ZSCAN25: variants seen among roughly 807,000 people sequenced by gnomAD.
ZSCAN25 encodes the protein zinc finger and SCAN domain containing 25, also known as zinc finger and SCAN domain-containing protein 25.
A neutral mutation model predicts 38.7 loss-of-function variants in ZSCAN25; 27 were observed. The ratio of observed to expected loss-of-function variants is 0.70; its 90% CI spans 0.51 to 0.96. ZSCAN25 has a LOEUF of 0.96. Ranked by LOEUF, ZSCAN25 falls within the 40% of genes least tolerant of loss-of-function variation. The probability of loss-of-function intolerance (pLI) is 0.00; values close to 1 mark genes in which losing one functional copy is unlikely to be tolerated. For missense variants in ZSCAN25, 637 were observed against 705.9 expected (o/e 0.90, Z 1.11); for synonymous variants, 273 against 277.7 (o/e 0.98, Z 0.17).
chr7:99,733,035 C>T, the ZSCAN25 span, among the ~76,000 whole-genome samples: 1 of 152,136 alleles, frequency 6.6e-6, no homozygotes, highest in Admixed American at 6.5e-5. Context: ...CATGGAGGCT[C>T]GTGTTTGGAG....
the ZSCAN25 span, chr7:99,720,202 A>T: frequency 7.2e-7 from 1 of 1,381,026 alleles, no homozygotes. Flanking sequence ...TGAAGTGTAC[A>T]TGGAACCTTC....
At chr7:99,711,031 G>A in the ZSCAN25 span, 2 of 1,406,754 alleles carry the variant, frequency 1.4e-6, no homozygotes, top group African/African-American at 1.4e-5. Flanking sequence ...ACTGGGGGTG[G>A]TTTCACTCTG....
chr7:99,710,448 T>C, the ZSCAN25 span, among the ~76,000 whole-genome samples: 2 of 152,300 alleles, frequency 1.3e-5, no homozygotes, highest in South Asian at 2.1e-4. Context: ...AATATGCATA[T>C]TGTTAAATGC....
the ZSCAN25 span, among the ~76,000 whole-genome samples, chr7:99,675,804 C>T: frequency 6.8e-6 from 1 of 148,056 alleles, no homozygotes; most frequent in East Asian, 2.0e-4. Flanking sequence ...TACAATCCTC[C>T]CACCTTAACA....
the ZSCAN25 span, chr7:99,731,218 CACTG>C: frequency 1.3e-6 from 2 of 1,584,948 alleles, no homozygotes; most frequent in South Asian, 1.1e-5. Flanking sequence ...GCTGGTGAGT[CACTG>C]ACTGAGGAAC....
chr7:99,628,276 T>C, intron 7 of ZSCAN25, among the ~76,000 whole-genome samples: 1 of 152,250 alleles, frequency 6.6e-6, no homozygotes, highest in Non-Finnish European at 1.5e-5. Flanking sequence ...AGGCATATAC[T>C]GTCAGGTTTT....
At chr7:99,724,712 A>G in the ZSCAN25 span, among the ~76,000 whole-genome samples, 8 of 152,072 alleles carry the variant, frequency 5.3e-5, no homozygotes, top group Non-Finnish European at 7.4e-5. Flanking sequence ...CACCTGCCCA[A>G]CAATTTTCTC....
rs2151306404 is a variant in ZSCAN25 at position 99,632,194 on chromosome 7, G to A, written c.*2174G>A. ...TATCTCCTGTGGGGCCAAGAGCTTA[G>A]GACAGTGTCTCAGAAAAGCCTCTAA... is the stretch of plus-strand genomic sequence containing the variant. On this transcript the variant is annotated 3_prime_UTR_variant, in exon 8 of 8. Transcript: ENST00000394152. The A allele has an allele frequency of 1.0e-6, 1 of 985,386 alleles. No individual in the cohort carries two copies. The highest frequency in any genetic ancestry group is 1.1e-4 in the East Asian group (1 of 8,816). 61.0% of individuals were successfully genotyped at this position (985,386 alleles called of 1,614,324 possible).
the ZSCAN25 span, among the ~76,000 whole-genome samples, chr7:99,696,904 C>T: frequency 1.3e-5 from 2 of 152,240 alleles, no homozygotes; most frequent in Non-Finnish European, 2.9e-5. Flanking sequence ...GTGTGTGGCA[C>T]CTCCTCCCCA....
the ZSCAN25 span, chr7:99,676,349 T>G: frequency 1.6e-5 from 25 of 1,544,576 alleles, no homozygotes; most frequent in Non-Finnish European, 2.0e-5. Context: ...CCAACATCAG[T>G]AATTGCATTC....
At chr7:99,674,657 A>G in the ZSCAN25 span, 7 of 1,315,030 alleles carry the variant, frequency 5.3e-6, no homozygotes, top group Non-Finnish European at 7.6e-6. Context: ...ATTGGGGCTG[A>G]AAACAGTTGC....
chr7:99,729,230 A>T, the ZSCAN25 span, among the ~76,000 whole-genome samples: 2 of 152,228 alleles, frequency 1.3e-5, no homozygotes, highest in African/African-American at 4.8e-5. Context: ...ATAAAAACAC[A>T]TTCAGACTAT....
the ZSCAN25 span, among the ~76,000 whole-genome samples, chr7:99,651,175 G>T: frequency 6.6e-6 from 1 of 152,170 alleles, no homozygotes; most frequent in Admixed American, 6.5e-5. Flanking sequence ...ACCAGTGATA[G>T]ATATATGGAG....
chr7:99,644,026 G>T, the ZSCAN25 span, among the ~76,000 whole-genome samples: 4 of 152,168 alleles, frequency 2.6e-5, no homozygotes, highest in East Asian at 7.8e-4. Flanking sequence ...ATGGGATCAG[G>T]ATCAAGGAGA....
chr7:99,737,320 C>T, the ZSCAN25 span, among the ~76,000 whole-genome samples: 36 of 152,184 alleles, frequency 2.4e-4, no homozygotes, highest in Admixed American at 3.9e-4. Flanking sequence ...ATCACTATGG[C>T]AAATAGTAAG....
intron 7 of ZSCAN25, among the ~76,000 whole-genome samples, chr7:99,627,466 CAT>C (rs1342644240): frequency 6.6e-6 from 1 of 152,106 alleles, no homozygotes; most frequent in Non-Finnish European, 1.5e-5. Context: ...CACACACACA[CAT>C]ACATATACTC....
the ZSCAN25 span, among the ~76,000 whole-genome samples, chr7:99,661,751 A>T: frequency 1.3e-5 from 2 of 152,240 alleles, no homozygotes; most frequent in Non-Finnish European, 2.9e-5. Context: ...GGGTAAATTC[A>T]ACCATCCAAT....
At chr7:99,704,590 C>A in the ZSCAN25 span, among the ~76,000 whole-genome samples, 25 of 151,904 alleles carry the variant, frequency 1.6e-4, no homozygotes, top group Admixed American at 5.9e-4. Context: ...TGTGTCTCAT[C>A]AAAAATGTCA....
the ZSCAN25 span, chr7:99,705,572 T>C: frequency 6.2e-7 from 1 of 1,613,664 alleles, no homozygotes; most frequent in South Asian, 1.1e-5. Flanking sequence ...GAAGAAGTCC[T>C]CCAAAGCGTA....
Sources: allele counts gnomAD v4.1 joint callset (sites outside exome capture counted in the v4.1 genomes callset), GRCh38; gene constraint gnomAD v4.1.1; transcripts MANE v1.5; gene names NCBI Gene and HGNC (gene_info 2026-07-23, HGNC 2026-07-21).